Variants in ARL15 observed in about 807,000 individuals in gnomAD.
The protein encoded by ARL15 is ADP-ribosylation factor-like protein 15.
Under a neutral mutation model 25.2 loss-of-function variants are expected in ARL15, and 19 were observed. The ratio of observed to expected loss-of-function variants is 0.75; its 90% CI spans 0.53 to 1.10. The LOEUF is 1.10. ARL15 is among the 50% of genes least tolerant of loss of function. ARL15 has a pLI of 0.00. For missense variants in ARL15, 220 were observed against 246.0 expected (o/e 0.89, Z 0.71); for synonymous variants, 94 against 86.8 (o/e 1.08, Z -0.46).
At chr5:54,211,574 G>A (rs1436956668) in intron 1 of ARL15, among the ~76,000 whole-genome samples, 2 of 146,530 alleles carry the variant, frequency 1.4e-5, no homozygotes, top group Admixed American at 7.0e-5. Flanking sequence ...AGGTTCAAGC[G>A]ATTCTCCTGC....
At chr5:54,271,666 G>C (rs531700339) in intron 1 of ARL15, among the ~76,000 whole-genome samples, 27 of 152,214 alleles carry the variant, frequency 1.8e-4, no homozygotes, top group Admixed American at 3.9e-4. Context: ...TCAACAGAGA[G>C]CCAGGAAGTA....
chr5:53,929,445 T>C (rs912126935), intron 4 of ARL15, among the ~76,000 whole-genome samples: 1 of 152,196 alleles, frequency 6.6e-6, no homozygotes, highest in African/African-American at 2.4e-5. Context: ...TATTTAAAGA[T>C]GAGCATAGTG....
chr5:54,032,719 A>G (rs255759), intron 4 of ARL15, among the ~76,000 whole-genome samples: 47,724 of 151,980 alleles, frequency 0.31, 8,667 homozygotes, highest in African/African-American at 0.5. Flanking sequence ...AAACTTAAGG[A>G]TAGGGATGTT....
chr5:54,270,629 C>A (rs1381179840), intron 1 of ARL15, among the ~76,000 whole-genome samples: 1 of 152,212 alleles, frequency 6.6e-6, no homozygotes, highest in African/African-American at 2.4e-5. Context: ...AACAAGAAAT[C>A]CCCTGCCCTC....
intron 4 of ARL15, among the ~76,000 whole-genome samples, chr5:54,005,660 G>A (rs973429270): frequency 4.2e-4 from 64 of 151,930 alleles, no homozygotes; most frequent in African/African-American, 1.4e-3. Context: ...TCAGGAGATC[G>A]AGACCATCCT....
intron 4 of ARL15, among the ~76,000 whole-genome samples, chr5:54,019,845 A>C (rs1749539210): frequency 6.6e-6 from 1 of 152,224 alleles, no homozygotes; most frequent in Non-Finnish European, 1.5e-5. Context: ...TTTTTTAAAA[A>C]ACCAGACCTA....
rs182911236 is a variant in ARL15 at position 54,192,237 on chromosome 5, C to T, written c.49-20309G>A. Among the ~76,000 whole-genome samples, 322 of 150,952 alleles carry T rather than the reference C, an allele frequency of 2.1e-3. 2 individuals are homozygous for T. The highest frequency in any genetic ancestry group is 7.7e-3 in the African/African-American group (314 of 41,030). ...GCCCTGATTACTCTTAAAAACTGCA[C>T]ATGTACCCTAAAACTTAAAGTATAA... On this transcript the variant is annotated intron_variant, in intron 1 of 4. Transcript: ENST00000504924.
chr5:54,229,910 T>C (rs1172140906), intron 1 of ARL15, among the ~76,000 whole-genome samples: 6 of 152,248 alleles, frequency 3.9e-5, no homozygotes, highest in East Asian at 3.9e-4. Flanking sequence ...CCTGGATTCA[T>C]AGATGCCTTC....
chr5:53,991,965 C>T (rs788592), intron 4 of ARL15, among the ~76,000 whole-genome samples: 74,018 of 152,118 alleles, frequency 0.49, 18,464 homozygotes, highest in Admixed American at 0.56. Context: ...CACAACTACT[C>T]ACTAAAGTAT....
chr5:54,154,424 C>T (rs866752641), intron 3 of ARL15, 156 bp downstream of exon 3: 3 of 543,632 alleles, frequency 5.5e-6, no homozygotes, highest in Admixed American at 4.3e-5. Flanking sequence ...TTAAAACATA[C>T]GAAGAGAAGG....
At chr5:53,906,345 A>T (rs1745249883) in intron 4 of ARL15, among the ~76,000 whole-genome samples, 1 of 152,212 alleles carries the variant, frequency 6.6e-6, no homozygotes, top group African/African-American at 2.4e-5. Flanking sequence ...AGTAACAAAA[A>T]GCATTGTACT....
intron 4 of ARL15, among the ~76,000 whole-genome samples, chr5:53,991,561 AGG>A (rs150250231): frequency 0.4 from 36,921 of 91,586 alleles, 6,215 homozygotes; most frequent in Middle Eastern, 0.51. Flanking sequence ...AAAAAAAAAA[AGG>A]GGGGGCGGGG....
intron 4 of ARL15, among the ~76,000 whole-genome samples, chr5:54,064,550 A>T (rs1045060520): frequency 6.6e-6 from 1 of 152,190 alleles, no homozygotes; most frequent in Non-Finnish European, 1.5e-5. Flanking sequence ...TCAGTCTTTG[A>T]GAGTATGAAG....
At chr5:54,250,719 G>A (rs1757217027) in intron 1 of ARL15, among the ~76,000 whole-genome samples, 3 of 152,116 alleles carry the variant, frequency 2.0e-5, no homozygotes, top group African/African-American at 4.8e-5. Flanking sequence ...TGAAGATGGA[G>A]CAGAGTCCAC....
In ARL15 at chr5:54,219,708, A is replaced by T. The variant is rs988826931; in HGVS notation, c.49-47780T>A. Among the ~76,000 whole-genome samples the T allele has an allele frequency of 2.6e-5, 4 of 152,166 alleles. No homozygotes were observed. In the East Asian group the frequency reaches 5.8e-4, roughly 22 times the overall value. ...AAAGAAAGGGGGAAAAAGAAAAGAA[A>T]CAGAATGACAACAGTAACTACCAAT... is the stretch of plus-strand genomic sequence containing the variant. On this transcript the variant is annotated intron_variant, in intron 1 of 4. Coordinates refer to ENST00000504924, the MANE Select transcript of ARL15 (RefSeq NM_019087.3).
At chr5:54,071,530 A>G (rs1479642523) in intron 4 of ARL15, among the ~76,000 whole-genome samples, 2 of 84,704 alleles carry the variant, frequency 2.4e-5, no homozygotes, top group Non-Finnish European at 5.2e-5. Context: ...CCCCCCGCAA[A>G]GCCAGACCCA....
chr5:54,236,261 T>A (rs2112565369), intron 1 of ARL15, among the ~76,000 whole-genome samples: 1 of 152,320 alleles, frequency 6.6e-6, no homozygotes, highest in African/African-American at 2.4e-5. Context: ...TGAGATACTG[T>A]CATAGTTATG....
intron 1 of ARL15, among the ~76,000 whole-genome samples, chr5:54,249,672 CA>C (rs11437578): frequency 0.025 from 1,851 of 72,640 alleles, 26 homozygotes; most frequent in African/African-American, 0.062. Context: ...TGGTTAAGAG[CA>C]AAAAAAAAAA....
intron 4 of ARL15, among the ~76,000 whole-genome samples, chr5:54,087,552 A>G (rs1268268209): frequency 6.6e-6 from 1 of 152,174 alleles, no homozygotes; most frequent in Non-Finnish European, 1.5e-5. Flanking sequence ...GCTAAAAGGA[A>G]TAGCAGAGGT....
Sources: gnomAD v4.1 joint callset for allele counts (sites outside exome capture counted in the v4.1 genomes callset) on GRCh38, gnomAD v4.1.1 for gene constraint, MANE v1.5 for transcripts, NCBI Gene and HGNC (gene_info 2026-07-23, HGNC 2026-07-21) for gene names.